Variants in NME9 observed in about 807,000 individuals in gnomAD.
NME9 encodes the protein thioredoxin domain-containing protein 6.
NME9 carries 48 observed loss-of-function variants against 44.4 expected under a neutral mutation model. That is an observed-to-expected ratio of 1.08 (90% CI 0.86 to 1.37). The LOEUF is 1.37. Ranked by LOEUF, NME9 falls within the 40% of genes most tolerant of loss-of-function variation. The probability of loss-of-function intolerance (pLI) is 0.00; values close to 1 mark genes in which losing one functional copy is unlikely to be tolerated. For synonymous variants in NME9, 139 were observed against 147.1 expected, an observed-to-expected ratio of 0.94 and a Z score of 0.40; for missense variants, 325 against 405.2, an observed-to-expected ratio of 0.80 and a Z score of 1.70.
At chr3:138,292,601 T>TGGACA (rs2051071380) in intron 8 of NME9, among the ~76,000 whole-genome samples, 1 of 152,180 alleles carries the variant, frequency 6.6e-6, no homozygotes, top group African/African-American at 2.4e-5. Context: ...CCTGAGCAAC[T>TGGACA]GGACAGAGGG....
At chr3:138,263,631 C>G in intron 8 of NME9, 2 of 1,056,528 alleles carry the variant, frequency 1.9e-6, no homozygotes, top group Non-Finnish European at 2.9e-6. Flanking sequence ...AAACTCTTGC[C>G]AAAAACAACG....
chr3:138,295,968 C>G, intron 8 of NME9: 1 of 1,516,620 alleles, frequency 6.6e-7, no homozygotes, highest in Non-Finnish European at 9.0e-7. Context: ...TCATTTGATT[C>G]CTTCTATTTG....
chr3:138,295,723 GC>G, intron 8 of NME9: 2 of 811,284 alleles, frequency 2.5e-6, no homozygotes, highest in Non-Finnish European at 2.0e-6. Flanking sequence ...TAAGGTAGGT[GC>G]CCACCTGGGC....
chr3:138,295,809 C>T (rs1458914545), intron 8 of NME9: 1 of 1,600,872 alleles, frequency 6.2e-7, no homozygotes, highest in African/African-American at 1.3e-5. Context: ...GGGTTTTTTA[C>T]CCCAATTACA....
At chr3:138,324,764 A>T in intron 2 of NME9, 109 bp downstream of exon 2, 2 of 808,622 alleles carry the variant, frequency 2.5e-6, no homozygotes, top group East Asian at 2.5e-5. Context: ...TATGAGGCTC[A>T]AGGTAATAGG....
chr3:138,287,568 C>T, intron 8 of NME9: 1 of 452,800 alleles, frequency 2.2e-6, no homozygotes, highest in South Asian at 1.6e-5. Flanking sequence ...CTCATTTATT[C>T]AACAAATATT....
At chr3:138,294,239 TC>T (rs1346393749) in intron 8 of NME9, among the ~76,000 whole-genome samples, 3 of 152,182 alleles carry the variant, frequency 2.0e-5, no homozygotes, top group Non-Finnish European at 4.4e-5. Flanking sequence ...AAGACTTTGA[TC>T]CTTTGACTTT....
At chr3:138,311,398 GC>G (rs964995041) in intron 6 of NME9, among the ~76,000 whole-genome samples, 1 of 152,238 alleles carries the variant, frequency 6.6e-6, no homozygotes, top group Admixed American at 6.5e-5. Context: ...ATTCTGTGAG[GC>G]CAGAATTGCC....
chr3:138,316,679 G>A (rs951029711), intron 4 of NME9, among the ~76,000 whole-genome samples: 1 of 151,954 alleles, frequency 6.6e-6, no homozygotes, highest in South Asian at 2.1e-4. Flanking sequence ...CAATGGTGTG[G>A]TCTCGGCTCA....
intron 8 of NME9, among the ~76,000 whole-genome samples, chr3:138,268,057 A>G (rs1394680929): frequency 1.3e-5 from 2 of 152,142 alleles, no homozygotes; most frequent in Non-Finnish European, 2.9e-5. Flanking sequence ...AGCCTGGCCA[A>G]CATGGTGAAA....
chr3:138,264,707 T>C (rs1375012522), intron 8 of NME9, among the ~76,000 whole-genome samples: 1 of 151,840 alleles, frequency 6.6e-6, no homozygotes, highest in Non-Finnish European at 1.5e-5. Flanking sequence ...CATGAGCCAC[T>C]GCGCCCAGCC....
intron 2 of NME9, among the ~76,000 whole-genome samples, chr3:138,320,094 C>A (rs2053370942): frequency 6.6e-6 from 1 of 152,126 alleles, no homozygotes. Context: ...CAACATTTTT[C>A]TCCCAGAAAG....
chr3:138,298,995 C>A (rs2051706285), downstream of NME9, among the ~76,000 whole-genome samples: 1 of 152,130 alleles, frequency 6.6e-6, no homozygotes, highest in Non-Finnish European at 1.5e-5. Flanking sequence ...GCCCCTGTTT[C>A]CCATAACTAC....
At chr3:138,283,328 T>A (rs2050117157) in intron 8 of NME9, among the ~76,000 whole-genome samples, 1 of 152,218 alleles carries the variant, frequency 6.6e-6, no homozygotes, top group South Asian at 2.1e-4. Flanking sequence ...TGGAGAAAAT[T>A]ATGTGAGTCT....
exon 9 of NME9, chr3:138,262,485 C>G: frequency 6.3e-7 from 1 of 1,576,656 alleles, no homozygotes; most frequent in Non-Finnish European, 8.6e-7. Context: ...GCTGAAACAT[C>G]CTGAGGTTTT....
downstream of NME9, among the ~76,000 whole-genome samples, chr3:138,299,182 T>C (rs2108420558): frequency 6.6e-6 from 1 of 152,242 alleles, no homozygotes; most frequent in Admixed American, 6.5e-5. Flanking sequence ...ATTTCCAGCA[T>C]GAGAGAAGGT....
chr3:138,295,337 C>G (rs1402840589), intron 8 of NME9, among the ~76,000 whole-genome samples: 1 of 152,212 alleles, frequency 6.6e-6, no homozygotes. Flanking sequence ...TTCCACGGTT[C>G]TGAGGCATGT....
Position 138,263,827 on chromosome 3 carries a change from A to G in NME9, c.746-1241T>C, listed in dbSNP as rs187369258. The stretch of plus-strand genomic sequence containing the variant: ...GTGCGGTTAGCTGCCGTCAGGTATG[A>G]GCTTTAAATGGTCTGAATAAAAACC... On this transcript the variant is annotated intron_variant, in intron 8 of 8. Transcript: ENST00000317876. 292 of 1,613,032 alleles carry G rather than the reference A, an allele frequency of 1.8e-4. 1 individual carries two copies. The East Asian group carries it at 5.9e-3, about 32-fold the overall frequency.
At chr3:138,273,603 G>A (rs1366865225) in intron 8 of NME9, among the ~76,000 whole-genome samples, 1 of 152,184 alleles carries the variant, frequency 6.6e-6, no homozygotes, top group Non-Finnish European at 1.5e-5. Flanking sequence ...GAGAGGCTGA[G>A]CCTTGCTGGT....
Sources: allele counts gnomAD v4.1 joint callset (sites outside exome capture counted in the v4.1 genomes callset), GRCh38; gene constraint gnomAD v4.1.1; transcripts MANE v1.5; gene names NCBI Gene and HGNC (gene_info 2026-07-23, HGNC 2026-07-21).